The following SYNPR variants were observed in gnomAD, a reference collection of about 807,000 sequenced individuals.
The protein encoded by SYNPR is synaptoporin.
In SYNPR, 23 loss-of-function variants were observed where a neutral mutation model predicts 32.9. The ratio of observed to expected loss-of-function variants is 0.70; its 90% CI spans 0.50 to 0.99. SYNPR has a LOEUF of 0.99. Among genes scored for constraint, SYNPR ranks in the 50% least tolerant of loss-of-function variants. The probability of loss-of-function intolerance (pLI) is 0.00; values close to 1 mark genes in which losing one functional copy is unlikely to be tolerated. For synonymous variants in SYNPR, 146 were observed against 135.9 expected (o/e 1.07, Z -0.52); for missense variants, 318 against 349.3 (o/e 0.91, Z 0.71).
chr3:63,459,321 C>T (rs151293042), intron 2 of SYNPR, among the ~76,000 whole-genome samples: 1 of 152,146 alleles, frequency 6.6e-6, no homozygotes, highest in African/African-American at 2.4e-5. Flanking sequence ...TTTCTCCATC[C>T]TTTTTGACTT....
intron 2 of SYNPR, among the ~76,000 whole-genome samples, chr3:63,279,877 C>G (rs956148066): frequency 1.3e-5 from 2 of 152,170 alleles, no homozygotes; most frequent in Non-Finnish European, 2.9e-5. Context: ...TTGCATACAC[C>G]AGGACAGCTT....
chr3:63,556,426 G>A (rs893069807), intron 3 of SYNPR, 117 bp from the exon 4 acceptor site: 1 of 768,108 alleles, frequency 1.3e-6, no homozygotes, highest in Non-Finnish European at 2.1e-6. Context: ...ATGTTACATA[G>A]GCATGCACTA....
At chr3:63,404,648 T>A (rs2088336074) in intron 2 of SYNPR, among the ~76,000 whole-genome samples, 1 of 152,158 alleles carries the variant, frequency 6.6e-6, no homozygotes, top group African/African-American at 2.4e-5. Flanking sequence ...ACTTGTATGA[T>A]CATGATCATT....
chr3:63,223,691 T>C (rs1259004294), upstream of SYNPR, among the ~76,000 whole-genome samples: 2 of 152,242 alleles, frequency 1.3e-5, no homozygotes, highest in Non-Finnish European at 2.9e-5. Flanking sequence ...CGCCATGTTA[T>C]ATGTGCTATG....
At chr3:63,266,104 A>G (rs766334767) in intron 2 of SYNPR, among the ~76,000 whole-genome samples, 10 of 152,216 alleles carry the variant, frequency 6.6e-5, no homozygotes, top group Non-Finnish European at 1.2e-4. Context: ...AAACCAGGTA[A>G]CTCCCAATCC....
intron 2 of SYNPR, among the ~76,000 whole-genome samples, chr3:63,421,723 T>C (rs1263651824): frequency 6.6e-6 from 1 of 152,162 alleles, no homozygotes; most frequent in South Asian, 2.1e-4. Flanking sequence ...TGCAATCTCA[T>C]CTGAGGCTTT....
chr3:63,486,646 G>A (rs1281577231), intron 3 of SYNPR, among the ~76,000 whole-genome samples: 1 of 152,172 alleles, frequency 6.6e-6, no homozygotes. Context: ...ATAGATAGAT[G>A]AGTAGATAGA....
chr3:63,610,516 A>G (rs752330598), intron 5 of SYNPR: 39 of 700,556 alleles, frequency 5.6e-5, no homozygotes, highest in Non-Finnish European at 9.9e-5. Flanking sequence ...GAAGAGAGAA[A>G]GGGTTGCTAC....
At chr3:63,315,920 C>A (rs983551079) in intron 2 of SYNPR, among the ~76,000 whole-genome samples, 2 of 151,890 alleles carry the variant, frequency 1.3e-5, no homozygotes, top group Non-Finnish European at 2.9e-5. Context: ...CCTTTGTATG[C>A]CAATTTTGCT....
At chr3:63,443,534 C>T in intron 2 of SYNPR, 1 of 1,520,602 alleles carries the variant, frequency 6.6e-7, no homozygotes, top group Non-Finnish European at 9.0e-7. Flanking sequence ...GTATGTGTCT[C>T]CATAGGCACA....
At chr3:63,527,909 G>A (rs11921529) in intron 3 of SYNPR, among the ~76,000 whole-genome samples, 38,112 of 151,924 alleles carry the variant, frequency 0.25, 4,934 homozygotes, top group Admixed American at 0.33. Flanking sequence ...ACTTAATTTT[G>A]TCAAAGATCT....
intron 5 of SYNPR, among the ~76,000 whole-genome samples, chr3:63,613,393 T>A (rs1385285165): frequency 1.3e-5 from 2 of 151,780 alleles, no homozygotes; most frequent in Non-Finnish European, 2.9e-5. Flanking sequence ...ACGTTTTGTA[T>A]CTCCCTCAGC....
intron 2 of SYNPR, among the ~76,000 whole-genome samples, chr3:63,432,826 C>T (rs906442213): frequency 1.3e-5 from 2 of 152,202 alleles, no homozygotes; most frequent in African/African-American, 4.8e-5. Flanking sequence ...TTATGGTGGC[C>T]TTCTTCATGA....
At chr3:63,602,134 T>C (rs1489939795) in intron 4 of SYNPR, among the ~76,000 whole-genome samples, 1 of 152,230 alleles carries the variant, frequency 6.6e-6, no homozygotes, top group East Asian at 1.9e-4. Flanking sequence ...CTTGGCCATA[T>C]GTATGTCTTC....
At chr3:63,371,623 T>C (rs1309648586) in intron 2 of SYNPR, among the ~76,000 whole-genome samples, 1 of 152,118 alleles carries the variant, frequency 6.6e-6, no homozygotes, top group Non-Finnish European at 1.5e-5. Flanking sequence ...AGAAGGTGCG[T>C]GGTGATTTGA....
intron 2 of SYNPR, among the ~76,000 whole-genome samples, chr3:63,367,776 G>C (rs910009963): frequency 6.6e-6 from 1 of 152,168 alleles, no homozygotes; most frequent in Non-Finnish European, 1.5e-5. Context: ...AAGCTTTTAA[G>C]TAATAAAATA....
intron 2 of SYNPR, among the ~76,000 whole-genome samples, chr3:63,280,970 G>A (rs1246326573): frequency 6.6e-6 from 1 of 152,138 alleles, no homozygotes; most frequent in Non-Finnish European, 1.5e-5. Context: ...TTAGTTGGTT[G>A]ACCTACATTT....
chr3:63,507,464 G>A (rs1036205772), intron 3 of SYNPR, among the ~76,000 whole-genome samples: 1 of 152,232 alleles, frequency 6.6e-6, no homozygotes, highest in South Asian at 2.1e-4. Context: ...GAGAAGTAAC[G>A]TGTAAGTAAC....
rs189916278 is a variant in SYNPR, at chr3:63,548,583, G to A, written c.210-7960G>A. Among the ~76,000 whole-genome samples, 519 of 152,230 alleles carry A rather than the reference G, an allele frequency of 3.4e-3. 3 individuals are homozygous for A. The highest frequency in any genetic ancestry group is 0.012 in the African/African-American group (489 of 41,552). On this transcript the variant is annotated intron_variant, in intron 3 of 5. Transcript: ENST00000478300. ...CAACGCAATCTAAAAGCAGATAAGTGCCAATATTTCATATAGGGAAGAGAG... is the reference window on the plus strand; with the variant it reads ...CAACGCAATCTAAAAGCAGATAAGTACCAATATTTCATATAGGGAAGAGAG...
Sources: gnomAD v4.1 joint callset for allele counts (sites outside exome capture counted in the v4.1 genomes callset) on GRCh38, gnomAD v4.1.1 for gene constraint, MANE v1.5 for transcripts, NCBI Gene and HGNC (gene_info 2026-07-23, HGNC 2026-07-21) for gene names.